HM13: variants seen among roughly 807,000 people sequenced by gnomAD.
HM13 encodes the protein histocompatibility minor 13, also known as signal peptide peptidase.
HM13 carries 18 observed loss-of-function variants against 50.0 expected under a neutral mutation model. The ratio of observed to expected loss-of-function variants is 0.36; its 90% confidence interval spans 0.25 to 0.53. The LOEUF (loss-of-function observed/expected upper bound fraction) is 0.53. HM13 is among the 20% of genes least tolerant of loss of function. The pLI is 0.90. For missense variants in HM13, 393 were observed against 552.4 expected (o/e 0.71, Z 2.89); for synonymous variants, 197 against 232.6 (o/e 0.85, Z 1.39).
chr20:31,554,937 GT>G, intron 8 of HM13, 108 bp downstream of exon 8: 1 of 987,166 alleles, frequency 1.0e-6, no homozygotes, highest in South Asian at 1.4e-5. Context: ...AAGAGAAAAG[GT>G]AAGGCTGGAT....
intron 1 of HM13, among the ~76,000 whole-genome samples, chr20:31,515,699 C>T (rs1323261947): frequency 6.6e-6 from 1 of 152,166 alleles, no homozygotes; most frequent in Non-Finnish European, 1.5e-5. Context: ...GACTCCAGCA[C>T]ATTTCACCTT....
chr20:31,520,015 C>G (rs1982055032), intron 1 of HM13, among the ~76,000 whole-genome samples: 1 of 151,926 alleles, frequency 6.6e-6, no homozygotes, highest in African/African-American at 2.4e-5. Flanking sequence ...ACCCACCACA[C>G]CTGGCTAATT....
intron 4 of HM13, among the ~76,000 whole-genome samples, chr20:31,546,814 A>G (rs1008360183): frequency 4.0e-5 from 6 of 150,572 alleles, no homozygotes; most frequent in Non-Finnish European, 7.4e-5. Context: ...TGTAATCCCA[A>G]CACTTTGGGA....
In HM13 at chr20:31,514,629, T is replaced by A; in HGVS notation, c.78T>A (p.Pro26=). The change falls in exon 1 of 13, where the codon CCT becomes CCA. Residue 26 remains proline, a synonymous_variant. Coordinates refer to ENST00000398174, the MANE Select transcript of HM13 (RefSeq NM_178581.3). The surrounding 1 kb of genome is among the most constrained non-coding windows in gnomAD (Gnocchi z 4.3). ...CCACCAACAGCACTACGCGGCCGCCTTCCACGCCCGAGGGCATCGCGCTGG... is the reference window on the plus strand; with the variant it reads ...CCACCAACAGCACTACGCGGCCGCCATCCACGCCCGAGGGCATCGCGCTGG... ...GGPTNSTTRP[P]STPEGIALAY... The A allele has an allele frequency of 6.3e-7, 1 of 1,586,008 alleles. No homozygotes were observed. The highest frequency in any genetic ancestry group is 1.3e-5 in the African/African-American group (1 of 74,650).
rs866818691 is a variant in HM13, at chr20:31,555,826, C to G, written c.808+997C>G. Among the ~76,000 whole-genome samples the G allele has an allele frequency of 3.2e-3, 490 of 151,482 alleles. 2 individuals carry two copies. The highest frequency in any genetic ancestry group is 0.014 in the Middle Eastern group (4 of 292). ...TCTACAAAAAAAAAAAAAAATTAGC[C>G]AGTCGTGGTGGCTCATGCCTGTAGT... is the stretch of plus-strand genomic sequence containing the variant. On this transcript the variant is annotated intron_variant, in intron 8 of 12. Coordinates refer to ENST00000398174, the MANE Select transcript of HM13 (RefSeq NM_178581.3).
chr20:31,546,778 C>T (rs1043619217), intron 4 of HM13, among the ~76,000 whole-genome samples: 4 of 148,462 alleles, frequency 2.7e-5, no homozygotes, highest in Middle Eastern at 3.5e-3. Flanking sequence ...AAAGACTAAG[C>T]TTGGCCAGGC....
chr20:31,543,195 C>T (rs905830245), intron 3 of HM13, among the ~76,000 whole-genome samples: 14 of 152,228 alleles, frequency 9.2e-5, no homozygotes, highest in African/African-American at 3.4e-4. Context: ...CGCTTCTCTT[C>T]ACAAAGCCCT....
intron 7 of HM13, chr20:31,550,411 G>C (rs576083402): frequency 2.6e-6 from 1 of 390,584 alleles, no homozygotes; most frequent in Non-Finnish European, 4.8e-6. Flanking sequence ...CACGCGCAGG[G>C]GCTTTCCAGG....
At chr20:31,547,368 A>G in intron 4 of HM13, 1 of 375,684 alleles carries the variant, frequency 2.7e-6, no homozygotes. Flanking sequence ...TGGCTGTGTC[A>G]TCTTCCGGTT....
intron 1 of HM13, among the ~76,000 whole-genome samples, chr20:31,520,010 C>T (rs1982054250): frequency 6.6e-6 from 1 of 151,942 alleles, no homozygotes; most frequent in African/African-American, 2.4e-5. Context: ...CGCGCACCCA[C>T]CACACCTGGC....
rs556893838 is a variant in HM13, at chr20:31,537,009, G to A, written c.283-1170G>A. On this transcript the variant is annotated intron_variant, in intron 2 of 12. Transcript: ENST00000398174. ...TGGTGTCTAGGACAATGCCTTGCACGTAGTAGGCAATCAATCAGTATGGGC... is the reference window on the plus strand; with the variant it reads ...TGGTGTCTAGGACAATGCCTTGCACATAGTAGGCAATCAATCAGTATGGGC... 3.3e-5 allele frequency among the ~76,000 whole-genome samples: 5 copies of A among 152,372 alleles called. No homozygotes were observed. In the South Asian group the frequency reaches 1.0e-3, roughly 32 times the overall value.
At chr20:31,560,202 A>C (rs1984529343) in intron 9 of HM13, among the ~76,000 whole-genome samples, 2 of 152,204 alleles carry the variant, frequency 1.3e-5, no homozygotes, top group African/African-American at 4.8e-5. Context: ...CAGCGTTTAA[A>C]ACACAAGAAA....
intron 1 of HM13, among the ~76,000 whole-genome samples, chr20:31,524,710 CT>C (rs1156549702): frequency 0.015 from 1,709 of 110,768 alleles, 24 homozygotes; most frequent in African/African-American, 0.053. Flanking sequence ...TGTTGTGTGG[CT>C]TTTTTTTTTT....
intron 1 of HM13, among the ~76,000 whole-genome samples, chr20:31,518,912 G>A (rs1186713561): frequency 1.3e-5 from 2 of 151,770 alleles, no homozygotes; most frequent in African/African-American, 4.8e-5. Context: ...TGGTGGGGAG[G>A]GTAGGTAATA....
At chr20:31,515,050 C>T (rs1346534687) in intron 1 of HM13, among the ~76,000 whole-genome samples, 1 of 152,226 alleles carries the variant, frequency 6.6e-6, no homozygotes, top group East Asian at 1.9e-4. Flanking sequence ...CCCACTGCGA[C>T]TCGGGCACTG....
chr20:31,534,151 T>TGC (rs547489540), intron 2 of HM13, among the ~76,000 whole-genome samples: 325 of 152,262 alleles, frequency 2.1e-3, no homozygotes, highest in Admixed American at 3.5e-3. Flanking sequence ...GTGCTGGGAT[T>TGC]ACAGGCGCAA....
chr20:31,523,043 T>TTGGG (rs1555838855), intron 1 of HM13, among the ~76,000 whole-genome samples: 15 of 135,094 alleles, frequency 1.1e-4, no homozygotes, highest in African/African-American at 4.9e-4. Flanking sequence ...GGGTTTTTTT[T>TTGGG]GGGAGGGGGG....
chr20:31,527,417 A>T (rs1478090750), intron 1 of HM13, 67 bp from the exon 2 acceptor site: 27 of 1,121,766 alleles, frequency 2.4e-5, no homozygotes, highest in Non-Finnish European at 3.5e-5. Flanking sequence ...GAATAGCATT[A>T]GCAGAGCCTT....
chr20:31,533,198 A>G (rs913002106), intron 2 of HM13, among the ~76,000 whole-genome samples: 1 of 152,198 alleles, frequency 6.6e-6, no homozygotes, highest in African/African-American at 2.4e-5. Flanking sequence ...TTGTAACTGC[A>G]TTGAACATTT....
Sources: gnomAD v4.1 joint callset for allele counts (sites outside exome capture counted in the v4.1 genomes callset) on GRCh38, gnomAD v4.1.1 for gene constraint, Gnocchi (gnomAD v3.1) non-coding constraint, MANE v1.5 for transcripts, NCBI Gene and HGNC (gene_info 2026-07-23, HGNC 2026-07-21) for gene names.